DNAJC15: variants seen among roughly 807,000 people sequenced by gnomAD.
DNAJC15 encodes dnaJ homolog subfamily C member 15.
A neutral mutation model predicts 22.4 loss-of-function variants in DNAJC15; 27 were observed. The ratio of observed to expected loss-of-function variants is 1.20; its 90% CI spans 0.89 to 1.66. The LOEUF is 1.66. Ranked by LOEUF, DNAJC15 falls within the 40% of genes most tolerant of loss-of-function variation. The probability of loss-of-function intolerance (pLI) is 0.00; values close to 1 mark genes in which losing one functional copy is unlikely to be tolerated. For synonymous variants in DNAJC15, 79 were observed against 63.2 expected (o/e 1.25, Z -1.19); for missense variants, 208 against 187.1 (o/e 1.11, Z -0.65).
intron 1 of DNAJC15, among the ~76,000 whole-genome samples, chr13:43,036,100 T>C (rs761279733): frequency 1.3e-5 from 2 of 152,130 alleles, no homozygotes; most frequent in Non-Finnish European, 2.9e-5. Flanking sequence ...ACACTATTTT[T>C]CAGATTCCAT....
intron 5 of DNAJC15, among the ~76,000 whole-genome samples, chr13:43,102,256 A>G (rs2040772939): frequency 6.6e-6 from 1 of 152,042 alleles, no homozygotes; most frequent in African/African-American, 2.4e-5. Context: ...TCATGTCCTT[A>G]GCCCACTTTT....
rs185574995 is a variant in DNAJC15 at position 43,077,472 on chromosome 13, G to T, written c.235-1140G>T. ...GGATGGCTCATTGTAGTTATCCCAA[G>T]TTGGGGCAAGGGGTCATAGGATTAA... On this transcript the variant is annotated intron_variant, in intron 3 of 5. Coordinates refer to ENST00000379221, the MANE Select transcript of DNAJC15 (RefSeq NM_013238.3). Among the ~76,000 whole-genome samples the T allele has an allele frequency of 2.0e-5, 3 of 152,322 alleles. No homozygotes were observed. In the East Asian group the frequency reaches 5.8e-4, roughly 29 times the overall value.
In DNAJC15 at chr13:43,065,672, T is replaced by G; in HGVS notation, c.109-14T>G. 1 of 1,608,924 alleles carries G rather than the reference T, an allele frequency of 6.2e-7. No individual in the cohort carries two copies. The highest frequency in any genetic ancestry group is 8.5e-7 in the Non-Finnish European group (1 of 1,176,618). The stretch of plus-strand genomic sequence containing the variant: ...ATGTTACATCATAAGTAATATTCAT[T>G]TTTTCTTCCATAGGTAAGAAGTTTG... On this transcript the variant is annotated splice_polypyrimidine_tract_variant and intron_variant, in intron 1 of 5. Coordinates refer to ENST00000379221, the MANE Select transcript of DNAJC15 (RefSeq NM_013238.3).
Position 43,036,170 on chromosome 13 carries a change from T to C in DNAJC15, c.108+12436T>C, listed in dbSNP as rs1320088043. ...AAAATGTTTTTCAGTTTCTGTCTTTTTTTTTTTTTTTTTTTGAGACAGGGT... is the reference window on the plus strand; with the variant it reads ...AAAATGTTTTTCAGTTTCTGTCTTTCTTTTTTTTTTTTTTTGAGACAGGGT... On this transcript the variant is annotated intron_variant, in intron 1 of 5. Transcript: ENST00000379221. Among the ~76,000 whole-genome samples, 4 of 149,190 alleles carry C rather than the reference T, an allele frequency of 2.7e-5. No individual in the cohort carries two copies. In the East Asian group the frequency reaches 7.7e-4, roughly 29 times the overall value.
chr13:43,040,588 A>G (rs1370624908), intron 1 of DNAJC15, among the ~76,000 whole-genome samples: 1 of 152,160 alleles, frequency 6.6e-6, no homozygotes, highest in East Asian at 1.9e-4. Context: ...GTTTCTCGTT[A>G]GGTGGAACAA....
chr13:43,088,245 G>A (rs1255580857), intron 5 of DNAJC15, among the ~76,000 whole-genome samples: 3 of 152,166 alleles, frequency 2.0e-5, no homozygotes, highest in African/African-American at 7.2e-5. Context: ...ATACTTTTGT[G>A]CTATGTAAAA....
At chr13:43,041,965 G>A (rs950151132) in intron 1 of DNAJC15, among the ~76,000 whole-genome samples, 2 of 152,180 alleles carry the variant, frequency 1.3e-5, no homozygotes, top group African/African-American at 4.8e-5. Context: ...TAGTCAGGTG[G>A]TGATATTTAA....
intron 1 of DNAJC15, among the ~76,000 whole-genome samples, chr13:43,041,621 A>G (rs2040454543): frequency 6.6e-6 from 1 of 152,172 alleles, no homozygotes; most frequent in African/African-American, 2.4e-5. Flanking sequence ...TTCAACATCT[A>G]ACCTTTGTTC....
chr13:43,025,731 G>A (rs181075836), intron 1 of DNAJC15, among the ~76,000 whole-genome samples: 15 of 152,144 alleles, frequency 9.9e-5, no homozygotes, highest in East Asian at 7.7e-4. Context: ...GGGCAAAACC[G>A]TGTCTCTACT....
At chr13:43,036,862 G>A (rs188077101) in intron 1 of DNAJC15, among the ~76,000 whole-genome samples, 117 of 152,364 alleles carry the variant, frequency 7.7e-4, no homozygotes, top group African/African-American at 2.5e-3. Flanking sequence ...TTGAGACAGT[G>A]CCTCAGCTTA....
In DNAJC15 at chr13:43,112,273, CT is replaced by C; in HGVS notation, c.*5026del. On this transcript the variant is annotated 3_prime_UTR_variant, in exon 6 of 6. Coordinates refer to ENST00000379221, the MANE Select transcript of DNAJC15 (RefSeq NM_013238.3). ...CCTGCCATAATAACCCTTTCCCTCT[CT>C]GTTCGATTCAACAGTATCTAGCAGC... The C allele has an allele frequency of 6.6e-6, 1 of 152,238 alleles. No individual in the cohort carries two copies. Among genetic ancestry groups the C allele is most frequent in the Non-Finnish European group, 1.5e-5 (1 of 68,048 alleles). 9.4% of individuals were successfully genotyped at this position (152,238 alleles called of 1,614,324 possible).
chr13:43,083,785 C>T (rs1476823716), intron 4 of DNAJC15, among the ~76,000 whole-genome samples: 1 of 152,096 alleles, frequency 6.6e-6, no homozygotes, highest in Non-Finnish European at 1.5e-5. Context: ...AGTCTTTTAA[C>T]CAGACAATGT....
chr13:43,050,000 CT>C (rs1566204088), intron 1 of DNAJC15, among the ~76,000 whole-genome samples: 5 of 152,186 alleles, frequency 3.3e-5, no homozygotes, highest in African/African-American at 1.2e-4. Flanking sequence ...CACACTGCAA[CT>C]TCCACTTCCC....
At chr13:43,036,970 C>T (rs75499348) in intron 1 of DNAJC15, among the ~76,000 whole-genome samples, 2,056 of 152,326 alleles carry the variant, frequency 0.013, 44 homozygotes, top group African/African-American at 0.044. Flanking sequence ...AGGGGACTTC[C>T]TGGGCCCCTG....
chr13:43,024,970 A>AGAAT (rs2040374128), intron 1 of DNAJC15, among the ~76,000 whole-genome samples: 1 of 148,080 alleles, frequency 6.8e-6, no homozygotes, highest in Admixed American at 6.8e-5. Context: ...CTGGGTCGGG[A>AGAAT]GAATCACTTG....
At chr13:43,050,272 A>G (rs1025483254) in intron 1 of DNAJC15, among the ~76,000 whole-genome samples, 1 of 152,122 alleles carries the variant, frequency 6.6e-6, no homozygotes, top group Admixed American at 6.6e-5. Context: ...AGGAAACTTT[A>G]TAAGTACTTT....
chr13:43,074,629 G>C (rs1395754503), intron 3 of DNAJC15, among the ~76,000 whole-genome samples: 1 of 152,148 alleles, frequency 6.6e-6, no homozygotes, highest in Non-Finnish European at 1.5e-5. Context: ...AGTTTTATTA[G>C]TGGGGAGGAG....
intron 5 of DNAJC15, among the ~76,000 whole-genome samples, chr13:43,103,045 T>A (rs1341566851): frequency 6.6e-6 from 1 of 152,220 alleles, no homozygotes; most frequent in Non-Finnish European, 1.5e-5. Flanking sequence ...TTTACATTTT[T>A]ATGTGCTCTG....
intron 5 of DNAJC15, among the ~76,000 whole-genome samples, chr13:43,091,712 A>G (rs2040716125): frequency 6.6e-6 from 1 of 152,112 alleles, no homozygotes. Flanking sequence ...ATTTTTTGAA[A>G]TGAATAGTCA....
Sources: gnomAD v4.1 joint callset for allele counts (sites outside exome capture counted in the v4.1 genomes callset) on GRCh38, gnomAD v4.1.1 for gene constraint, MANE v1.5 for transcripts, NCBI Gene and HGNC (gene_info 2026-07-23, HGNC 2026-07-21) for gene names.